Variants in MTHFD2L observed in about 807,000 individuals in gnomAD.
The protein encoded by MTHFD2L is bifunctional methylenetetrahydrofolate dehydrogenase/cyclohydrolase 2, mitochondrial.
MTHFD2L carries 29 observed loss-of-function variants against 34.9 expected under a neutral mutation model. The ratio of observed to expected loss-of-function variants is 0.83; its 90% CI spans 0.62 to 1.13. MTHFD2L has a LOEUF of 1.13. Ranked by LOEUF, MTHFD2L falls within the 50% of genes most tolerant of loss-of-function variation. The pLI is 0.00. For missense variants in MTHFD2L, 481 were observed against 446.5 expected (o/e 1.08, Z -0.70); for synonymous variants, 167 against 155.7 (o/e 1.07, Z -0.54).
chr4:74,132,913 C>T (rs1722657263), intron 1 of MTHFD2L, among the ~76,000 whole-genome samples: 2 of 152,112 alleles, frequency 1.3e-5, no homozygotes, highest in South Asian at 2.1e-4. Context: ...GATTGGATTG[C>T]ACACCACAAT....
chr4:74,192,205 A>G (rs1009618957), intron 3 of MTHFD2L, among the ~76,000 whole-genome samples: 13 of 152,302 alleles, frequency 8.5e-5, no homozygotes, highest in African/African-American at 2.9e-4. Context: ...AGATCATGGT[A>G]GGAGGGATAG....
chr4:74,289,523 A>G (rs1748618897), intron 7 of MTHFD2L, among the ~76,000 whole-genome samples: 1 of 152,220 alleles, frequency 6.6e-6, no homozygotes, highest in Non-Finnish European at 1.5e-5. Context: ...GTGGAAATCC[A>G]TTGGAGGATG....
intron 5 of MTHFD2L, among the ~76,000 whole-genome samples, chr4:74,208,757 A>G (rs1413422722): frequency 2.0e-5 from 3 of 152,188 alleles, no homozygotes; most frequent in Non-Finnish European, 4.4e-5. Context: ...ATGAATTTCC[A>G]TGGCTCCAAC....
In MTHFD2L at chr4:74,199,843, T is replaced by G; in HGVS notation, c.501T>G (p.Asp167Glu). 6.2e-7 allele frequency: 1 copy of G among 1,613,828 alleles called. No individual in the cohort carries two copies. The highest frequency in any genetic ancestry group is 8.5e-7 in the Non-Finnish European group (1 of 1,179,800). The change falls in exon 4 of 8, where the codon GAT becomes GAG. Residue 167 changes from aspartate to glutamate, a missense_variant. Physicochemically the swap from Asp to Glu is conservative, Grantham distance 45. Coordinates refer to ENST00000325278, the MANE Select transcript of MTHFD2L (RefSeq NM_001144978.3). ...GCAATGGAATTGCCCCAGAAAAAGA[T>G]GTAGATGGATTTCATATTATCAATA... The part of the protein sequence containing the change: ...TICNGIAPEK[D>E]VDGFHIINIG...
intron 1 of MTHFD2L, among the ~76,000 whole-genome samples, chr4:74,126,724 A>ATATCTTTTATTGTCATG (rs1276550877): frequency 2.0e-5 from 3 of 152,042 alleles, no homozygotes; most frequent in Non-Finnish European, 4.4e-5. Context: ...AGCTCATACG[A>ATATCTTTTATTGTCATG]TATCTTTTAT....
intron 1 of MTHFD2L, among the ~76,000 whole-genome samples, chr4:74,135,083 G>T (rs1211024615): frequency 2.0e-5 from 3 of 151,986 alleles, no homozygotes; most frequent in Non-Finnish European, 4.4e-5. Flanking sequence ...TCCAAAACAT[G>T]AGAAAGATAT....
In MTHFD2L at chr4:74,302,002, ACAAC is replaced by A. The variant is rs1750382896; in HGVS notation, c.*197_*200del. The A allele has an allele frequency of 2.5e-6, 1 of 405,586 alleles. No individual in the cohort carries two copies. Among genetic ancestry groups the A allele is most frequent in the Non-Finnish European group, 4.4e-6 (1 of 226,722 alleles). 25.1% of individuals were successfully genotyped at this position (405,586 alleles called of 1,614,324 possible). ...CTAATTTATTTTGAGTTTTAAGAAAACAACCAAAACAATTCCAATGAAAATTTTA... is the reference window on the plus strand; with the variant it reads ...CTAATTTATTTTGAGTTTTAAGAAAACAAAACAATTCCAATGAAAATTTTA... On this transcript the variant is annotated 3_prime_UTR_variant, in exon 8 of 8. Transcript: ENST00000325278.
chr4:74,150,919 A>G (rs971802954), intron 1 of MTHFD2L, among the ~76,000 whole-genome samples: 1 of 152,074 alleles, frequency 6.6e-6, no homozygotes, highest in Non-Finnish European at 1.5e-5. Flanking sequence ...ATGATAATAG[A>G]TAAACTATAT....
At chr4:74,115,843 A>G (rs551055) in intron 2 of MTHFD2L, among the ~76,000 whole-genome samples, 1,612 of 152,328 alleles carry the variant, frequency 0.011, 28 homozygotes, top group African/African-American at 0.037. Flanking sequence ...GGATGAACTC[A>G]CCGTTTGTCG....
chr4:74,273,779 G>A (rs1424041256), intron 6 of MTHFD2L, among the ~76,000 whole-genome samples: 1 of 152,172 alleles, frequency 6.6e-6, no homozygotes, highest in Non-Finnish European at 1.5e-5. Flanking sequence ...TCAGGTGAAA[G>A]TACTGCTGTG....
upstream of MTHFD2L, among the ~76,000 whole-genome samples, chr4:74,121,487 G>A (rs529422234): frequency 6.6e-6 from 1 of 150,384 alleles, no homozygotes; most frequent in South Asian, 2.1e-4. Context: ...TATACTGCAG[G>A]TGTCACTGCC....
At chr4:74,164,241 A>G (rs941736573) in intron 1 of MTHFD2L, among the ~76,000 whole-genome samples, 5 of 152,208 alleles carry the variant, frequency 3.3e-5, no homozygotes, top group Admixed American at 3.3e-4. Context: ...GTGAATAAAG[A>G]TGAGATTGAA....
chr4:74,213,982 C>A (rs1207839396), intron 5 of MTHFD2L, among the ~76,000 whole-genome samples: 1 of 150,698 alleles, frequency 6.6e-6, no homozygotes, highest in Non-Finnish European at 1.5e-5. Context: ...GATATCCTTT[C>A]TTCCACTTGA....
chr4:74,273,516 T>C (rs1746250524), intron 6 of MTHFD2L, among the ~76,000 whole-genome samples: 1 of 152,300 alleles, frequency 6.6e-6, no homozygotes, highest in East Asian at 1.9e-4. Context: ...ACAATGCAAA[T>C]CATTGGACGT....
Position 74,291,859 on chromosome 4 carries a change from T to A in MTHFD2L, c.932-9838T>A, listed in dbSNP as rs1285680470. ...AAAGTGACTCCCAACCACTTCAGTT[T>A]TCAGTGTCAATCATTTAATTTGATG... On this transcript the variant is annotated intron_variant, in intron 7 of 7. Transcript: ENST00000325278. 2.6e-5 allele frequency among the ~76,000 whole-genome samples: 4 copies of A among 152,220 alleles called. No individual in the cohort carries two copies. In the East Asian group the frequency reaches 7.7e-4, roughly 29 times the overall value.
chr4:74,284,287 G>T (rs116513272), intron 7 of MTHFD2L, among the ~76,000 whole-genome samples: 3,067 of 152,194 alleles, frequency 0.02, 52 homozygotes, highest in Non-Finnish European at 0.025. Flanking sequence ...CATTGAAAGG[G>T]CAAAGGATAA....
At chr4:74,269,074 A>C (rs893243713) in intron 6 of MTHFD2L, among the ~76,000 whole-genome samples, 1 of 152,210 alleles carries the variant, frequency 6.6e-6, no homozygotes, top group Non-Finnish European at 1.5e-5. Context: ...CCATTGGTTC[A>C]TTTACTTATC....
chr4:74,150,313 G>A (rs1035526894), intron 1 of MTHFD2L, among the ~76,000 whole-genome samples: 1 of 152,208 alleles, frequency 6.6e-6, no homozygotes, highest in African/African-American at 2.4e-5. Flanking sequence ...GAGTGCAATG[G>A]TGCGATCTCA....
chr4:74,181,974 T>C (rs1247286621), intron 3 of MTHFD2L, among the ~76,000 whole-genome samples: 1 of 152,186 alleles, frequency 6.6e-6, no homozygotes, highest in Non-Finnish European at 1.5e-5. Context: ...TGAGAAATTA[T>C]CAAATTTATG....
Sources: gnomAD v4.1 joint callset for allele counts (sites outside exome capture counted in the v4.1 genomes callset) on GRCh38, gnomAD v4.1.1 for gene constraint, MANE v1.5 for transcripts, NCBI Gene and HGNC (gene_info 2026-07-23, HGNC 2026-07-21) for gene names.